Variants in TBCK observed in about 807,000 individuals in gnomAD.
TBCK encodes TBC1 domain containing kinase, also known as TBC domain-containing protein kinase-like protein.
A neutral mutation model predicts 113.4 loss-of-function variants in TBCK; 99 were observed. The ratio of observed to expected loss-of-function variants is 0.87; its 90% CI spans 0.74 to 1.03. The LOEUF is 1.03. Ranked by LOEUF, TBCK falls within the 50% of genes least tolerant of loss-of-function variation. TBCK has a pLI of 0.00. For missense variants in TBCK, 1,045 were observed against 1,061.3 expected (o/e 0.98, Z 0.21); for synonymous variants, 369 against 370.8 (o/e 1.00, Z 0.05).
chr4:106,294,458 C>G (rs1766056880), intron 3 of TBCK, among the ~76,000 whole-genome samples: 1 of 150,160 alleles, frequency 6.7e-6, no homozygotes, highest in South Asian at 2.1e-4. Context: ...AAGCCCCACT[C>G]TTATACTAAA....
At chr4:106,249,370 T>C (rs966726912) in intron 7 of TBCK, among the ~76,000 whole-genome samples, 2 of 152,138 alleles carry the variant, frequency 1.3e-5, no homozygotes, top group Admixed American at 6.6e-5. Context: ...CAACCAAACA[T>C]GGGTTGAAAA....
At chr4:106,089,442 C>T (rs1243189132) in intron 25 of TBCK, among the ~76,000 whole-genome samples, 1 of 152,124 alleles carries the variant, frequency 6.6e-6, no homozygotes, top group Non-Finnish European at 1.5e-5. Context: ...ATCATTCTGC[C>T]TCTGATCCCC....
intron 25 of TBCK, among the ~76,000 whole-genome samples, chr4:106,050,604 T>C (rs1299191337): frequency 6.6e-6 from 1 of 152,030 alleles, no homozygotes; most frequent in Non-Finnish European, 1.5e-5. Context: ...GGTCAAAGAA[T>C]TCACAATGAA....
intron 11 of TBCK, 53 bp downstream of exon 11, chr4:106,244,573 T>A: frequency 7.2e-7 from 1 of 1,386,412 alleles, no homozygotes; most frequent in Admixed American, 2.6e-5. Context: ...TACCATAGAA[T>A]TATTACCATG....
chr4:106,166,233 C>T (rs11097916), intron 23 of TBCK, among the ~76,000 whole-genome samples: 28,274 of 151,056 alleles, frequency 0.19, 2,660 homozygotes, highest in South Asian at 0.25. Flanking sequence ...GAACAAAAAT[C>T]AAAAATATTT....
chr4:106,196,916 C>T (rs367789831), intron 20 of TBCK, among the ~76,000 whole-genome samples: 12 of 152,104 alleles, frequency 7.9e-5, no homozygotes, highest in Non-Finnish European at 1.5e-4. Flanking sequence ...TTCTCCTATA[C>T]TAGTCTTTGT....
intron 22 of TBCK, among the ~76,000 whole-genome samples, chr4:106,182,130 A>C (rs1372423596): frequency 6.6e-6 from 1 of 152,128 alleles, no homozygotes; most frequent in African/African-American, 2.4e-5. Context: ...CTTAGTAGCA[A>C]TTGTGAATGG....
intron 5 of TBCK, among the ~76,000 whole-genome samples, chr4:106,257,965 C>T (rs1022729207): frequency 6.6e-6 from 1 of 151,972 alleles, no homozygotes; most frequent in South Asian, 2.1e-4. Context: ...TCCAGCACAT[C>T]TAACCCAAAA....
intron 25 of TBCK, among the ~76,000 whole-genome samples, chr4:106,067,639 A>G (rs1279306239): frequency 6.6e-6 from 1 of 152,138 alleles, no homozygotes; most frequent in Non-Finnish European, 1.5e-5. Flanking sequence ...TTGTAAATTT[A>G]GTCTTTGGTC....
intron 7 of TBCK, among the ~76,000 whole-genome samples, chr4:106,249,965 T>C (rs1166842816): frequency 2.6e-5 from 4 of 152,228 alleles, no homozygotes; most frequent in Non-Finnish European, 4.4e-5. Context: ...ATTTGAATTA[T>C]ACATGTTTGG....
At chr4:106,304,177 C>T (rs1767255667) in intron 2 of TBCK, among the ~76,000 whole-genome samples, 1 of 152,084 alleles carries the variant, frequency 6.6e-6, no homozygotes, top group Non-Finnish European at 1.5e-5. Flanking sequence ...CAGTGGTCAC[C>T]CTGCAGGCTA....
chr4:106,265,120 T>C (rs1011582739), intron 3 of TBCK, among the ~76,000 whole-genome samples: 1 of 151,976 alleles, frequency 6.6e-6, no homozygotes, highest in Non-Finnish European at 1.5e-5. Flanking sequence ...AAGACTCACA[T>C]GTTCCATTAA....
intron 19 of TBCK, among the ~76,000 whole-genome samples, chr4:106,227,739 G>A (rs1341001374): frequency 6.6e-6 from 1 of 151,972 alleles, no homozygotes; most frequent in Non-Finnish European, 1.5e-5. Context: ...CACAAAAACA[G>A]TAAATGGGAG....
chr4:106,160,786 A>C (rs1293599230), intron 23 of TBCK, among the ~76,000 whole-genome samples: 1 of 152,054 alleles, frequency 6.6e-6, no homozygotes, highest in Non-Finnish European at 1.5e-5. Flanking sequence ...AGGAACTGAA[A>C]CCAGAATCTT....
intron 23 of TBCK, among the ~76,000 whole-genome samples, chr4:106,128,697 T>C (rs1394584215): frequency 6.6e-6 from 1 of 152,144 alleles, no homozygotes; most frequent in Non-Finnish European, 1.5e-5. Flanking sequence ...ATAAAAACTT[T>C]ATTTTTCCTT....
Position 106,116,289 on chromosome 4 carries a change from T to C in TBCK, c.2325A>G (p.Thr775=). 6.2e-7 allele frequency: 1 copy of C among 1,614,060 alleles called. No individual in the cohort carries two copies. The highest frequency in any genetic ancestry group is 8.5e-7 in the Non-Finnish European group (1 of 1,180,014). Residue 775 remains threonine (T), a synonymous_variant, in exon 24 of 26, where the codon ACA becomes ACG. Coordinates refer to ENST00000394708, the MANE Select transcript of TBCK (RefSeq NM_001163435.3). The stretch of plus-strand genomic sequence containing the variant: ...TGGGTGTTTTGAAGTGGCCTGTCAC[T>C]GTGAGCTCACACAAGTCAATCAGGT... ...AEDLIDLCEL[T]VTGHFKTPSK...
chr4:106,109,427 A>G (rs1408818321), intron 24 of TBCK, among the ~76,000 whole-genome samples: 1 of 152,208 alleles, frequency 6.6e-6, no homozygotes, highest in Non-Finnish European at 1.5e-5. Context: ...AGAAACAGGC[A>G]CATAGACTAA....
At chr4:106,196,918 A>G (rs1177860642) in intron 20 of TBCK, among the ~76,000 whole-genome samples, 1 of 152,114 alleles carries the variant, frequency 6.6e-6, no homozygotes, top group Admixed American at 6.6e-5. Context: ...CTCCTATACT[A>G]GTCTTTGTAA....
At chr4:106,106,648 C>T (rs778710129) in intron 24 of TBCK, among the ~76,000 whole-genome samples, 17 of 152,146 alleles carry the variant, frequency 1.1e-4, no homozygotes, top group Non-Finnish European at 2.2e-4. Flanking sequence ...GAAAGCAGCA[C>T]TGAATATAGA....
Sources: gnomAD v4.1 joint callset for allele counts (sites outside exome capture counted in the v4.1 genomes callset) on GRCh38, gnomAD v4.1.1 for gene constraint, MANE v1.5 for transcripts, NCBI Gene and HGNC (gene_info 2026-07-23, HGNC 2026-07-21) for gene names.